GAN: variants seen among roughly 807,000 people sequenced by gnomAD.
GAN encodes the protein gigaxonin.
Under a neutral mutation model 71.3 loss-of-function variants are expected in GAN, and 48 were observed. The ratio of observed to expected loss-of-function variants is 0.67; its 90% CI spans 0.53 to 0.86. GAN has a LOEUF of 0.86. Among genes scored for constraint, GAN ranks in the 40% least tolerant of loss-of-function variants. GAN has a pLI of 0.00. For synonymous variants in GAN, 386 were observed against 276.8 expected (o/e 1.39, Z -3.92); for missense variants, 928 against 770.1 (o/e 1.21, Z -2.43).
In GAN at chr16:81,338,743, C is replaced by T. The variant is rs182863048; in HGVS notation, c.168-12840C>T. ...AGGAACGGTGACTGTCCCAGAAATG[C>T]GGGAGGGAAGTGGCTGTGAATGGCA... On this transcript the variant is annotated intron_variant, in intron 1 of 10. Coordinates refer to ENST00000648994, the MANE Select transcript of GAN (RefSeq NM_022041.4). Among the ~76,000 whole-genome samples the T allele has an allele frequency of 1.7e-3, 255 of 152,268 alleles. 1 individual carries two copies. Among genetic ancestry groups the T allele is most frequent in the African/African-American group, 5.8e-3 (240 of 41,570 alleles).
intron 1 of GAN, among the ~76,000 whole-genome samples, chr16:81,318,823 C>T (rs1449100251): frequency 6.6e-6 from 1 of 152,136 alleles, no homozygotes; most frequent in Admixed American, 6.5e-5. Context: ...CTGGCATCCC[C>T]GGGTTATGTA....
intron 9 of GAN, among the ~76,000 whole-genome samples, chr16:81,376,686 G>T (rs1290522712): frequency 6.7e-6 from 1 of 148,938 alleles, no homozygotes; most frequent in Non-Finnish European, 1.5e-5. Flanking sequence ...ATGTGTATAT[G>T]TGTATATATA....
At position 81,362,471 on chromosome 16, in the gene GAN, A is replaced by G. The variant is rs746599761; in HGVS notation, c.974-28A>G. 18 of 1,184,484 alleles carry G rather than the reference A, an allele frequency of 1.5e-5. No homozygotes were observed. In the Admixed American group the frequency reaches 2.5e-4, roughly 17 times the overall value. The allele number at this position is 1,184,484 out of a possible 1,614,324, so 73.4% of individuals were successfully genotyped here. A position where few individuals can be genotyped will look rare whatever the true frequency, so the allele number is the denominator to read the frequency against. On this transcript the variant is annotated intron_variant, in intron 5 of 10. Coordinates refer to ENST00000648994, the MANE Select transcript of GAN (RefSeq NM_022041.4). Reference sequence around the variant, plus strand: ...TATGGGTGTTGAAGACTCACATTTCATATTTGTGTTTCCTTTGATCTTTGC... The same window carrying G: ...TATGGGTGTTGAAGACTCACATTTCGTATTTGTGTTTCCTTTGATCTTTGC...
rs1223691227 is a variant in GAN at position 81,390,189 on chromosome 16, C to T, written c.*12593C>T. The T allele has an allele frequency of 1.3e-5, 2 of 152,090 alleles. No individual in the cohort carries two copies. Among genetic ancestry groups the T allele is most frequent in the Non-Finnish European group, 2.9e-5 (2 of 67,992 alleles). 9.4% of individuals were successfully genotyped at this position (152,090 alleles called of 1,614,324 possible). A position where few individuals can be genotyped will look rare whatever the true frequency, so the allele number is the denominator to read the frequency against. On this transcript the variant is annotated 3_prime_UTR_variant, in exon 11 of 11. Transcript: ENST00000648994. ...TAGAAAGTTCAAAATATTGGAAGTG[C>T]TAGAAGGCTGCAACTTGTAAAATTG...
chr16:81,377,177 C>T (rs548114475), intron 9 of GAN, 42 bp from the exon 10 acceptor site: 1 of 1,146,732 alleles, frequency 8.7e-7, no homozygotes, highest in African/African-American at 1.5e-5. Context: ...TTGTTGTCAT[C>T]CTTTTGATTT....
Position 81,364,967 on chromosome 16 carries a change from C to G in GAN, c.1237-7C>G. 1.2e-6 allele frequency: 2 copies of G among 1,613,906 alleles called. No homozygotes were observed. Among genetic ancestry groups the G allele is most frequent in the Non-Finnish European group, 1.7e-6 (2 of 1,179,788 alleles). On this transcript the variant is annotated splice_polypyrimidine_tract_variant and splice_region_variant and intron_variant, in intron 7 of 10. Transcript: ENST00000648994. ...GCCTCTCCCCCACCATTGTTCTCTG[C>G]TTTCAGATCGGCTGCTATGCAGCTA...
chr16:81,334,586 A>G (rs1454163581), intron 1 of GAN, among the ~76,000 whole-genome samples: 1 of 152,182 alleles, frequency 6.6e-6, no homozygotes, highest in Non-Finnish European at 1.5e-5. Flanking sequence ...TCCCATTCGG[A>G]TTATTGCACT....
At chr16:81,322,040 G>A (rs1242742709) in intron 1 of GAN, among the ~76,000 whole-genome samples, 4 of 152,188 alleles carry the variant, frequency 2.6e-5, no homozygotes, top group African/African-American at 4.8e-5. Flanking sequence ...GAAGAGCAGA[G>A]TTAAATCATC....
intron 9 of GAN, among the ~76,000 whole-genome samples, chr16:81,367,113 G>A (rs920885197): frequency 1.3e-5 from 2 of 152,114 alleles, no homozygotes; most frequent in Admixed American, 6.6e-5. Flanking sequence ...ATGAGCCACC[G>A]CACCTGGCCT....
intron 2 of GAN, among the ~76,000 whole-genome samples, chr16:81,353,599 C>T (rs67333): frequency 0.87 from 132,496 of 152,194 alleles, 57,685 homozygotes; most frequent in Middle Eastern, 0.9. Flanking sequence ...TGCTATACTC[C>T]TCATGAAGTC....
At chr16:81,375,064 A>G (rs1430887867) in intron 9 of GAN, among the ~76,000 whole-genome samples, 1 of 152,222 alleles carries the variant, frequency 6.6e-6, no homozygotes, top group Non-Finnish European at 1.5e-5. Context: ...AAGATTTTTT[A>G]GAATGACACA....
intron 1 of GAN, among the ~76,000 whole-genome samples, chr16:81,334,283 G>GCC (rs1909681672): frequency 6.6e-6 from 1 of 151,954 alleles, no homozygotes; most frequent in Non-Finnish European, 1.5e-5. Flanking sequence ...GTCGGGGAAG[G>GCC]ATAGGACTGT....
Position 81,366,545 on chromosome 16 carries a change from A to G in GAN, c.1502+1067A>G, listed in dbSNP as rs79274752. On this transcript the variant is annotated intron_variant, in intron 9 of 10. Coordinates refer to ENST00000648994, the MANE Select transcript of GAN (RefSeq NM_022041.4). ...TGCTACCAGAAGAGGGTGCCATAAC[A>G]TAATGTTTAATTTCATGCTGTTTTA... is the stretch of plus-strand genomic sequence containing the variant. Among the ~76,000 whole-genome samples the G allele has an allele frequency of 1.1e-4, 16 of 152,372 alleles. No individual in the cohort carries two copies. The East Asian group carries it at 3.1e-3, about 29-fold the overall frequency.
At chr16:81,331,926 G>T (rs1597391888) in intron 1 of GAN, among the ~76,000 whole-genome samples, 1 of 152,294 alleles carries the variant, frequency 6.6e-6, no homozygotes, top group South Asian at 2.1e-4. Flanking sequence ...ACTTTGGGAG[G>T]TCAAGGCGGG....
At chr16:81,343,337 T>A (rs916538203) in intron 1 of GAN, among the ~76,000 whole-genome samples, 2 of 152,090 alleles carry the variant, frequency 1.3e-5, no homozygotes, top group African/African-American at 4.8e-5. Context: ...TAGGCCAATA[T>A]CCCTGATGAA....
intron 1 of GAN, among the ~76,000 whole-genome samples, chr16:81,321,050 A>T (rs1285503981): frequency 6.6e-6 from 1 of 152,194 alleles, no homozygotes; most frequent in Non-Finnish European, 1.5e-5. Flanking sequence ...TTCTAAGGAA[A>T]CTAAGCACTT....
intron 8 of GAN, 71 bp from the exon 9 acceptor site, chr16:81,365,279 T>G: frequency 6.2e-7 from 1 of 1,603,828 alleles, no homozygotes; most frequent in Non-Finnish European, 8.5e-7. Context: ...TAAACCAGCA[T>G]AAGAGGAACG....
At position 81,365,106 on chromosome 16, in the gene GAN, A is replaced by G. The variant is rs1308967103; in HGVS notation, c.1369A>G (p.Arg457Gly). Residue 457 changes from arginine (R) to glycine (G), a missense_variant, in exon 8 of 11, where the codon AGG (arginine) becomes GGG (glycine). By Grantham distance (125) the Arg-to-Gly change is moderately radical. Transcript: ENST00000648994. ...GACTGCCATATGTCCACTAAAAGAG[A>G]GGAGGTACGTGGCTGTGGGGTGGAC... Reference protein sequence around the residue: ...QWTAICPLKERRFGAVACGVA... With the variant: ...QWTAICPLKEGRFGAVACGVA... 1 of 1,613,732 alleles carries G rather than the reference A, an allele frequency of 6.2e-7. No homozygotes were observed. The highest frequency in any genetic ancestry group is 8.5e-7 in the Non-Finnish European group (1 of 1,179,858).
intron 1 of GAN, among the ~76,000 whole-genome samples, chr16:81,337,982 G>A (rs957811807): frequency 2.6e-5 from 4 of 152,154 alleles, no homozygotes; most frequent in African/African-American, 9.7e-5. Context: ...GTAATTCTAC[G>A]TAGCTGGTTT....
Sources: allele counts gnomAD v4.1 joint callset (sites outside exome capture counted in the v4.1 genomes callset), GRCh38; gene constraint gnomAD v4.1.1; transcripts MANE v1.5; gene names NCBI Gene and HGNC (gene_info 2026-07-23, HGNC 2026-07-21).